The following CLEC2A variants were observed in gnomAD, a reference collection of about 807,000 sequenced individuals.
The protein encoded by CLEC2A is C-type lectin domain family 2 member A, also known as keratinocyte-associated C-type lectin.
A neutral mutation model predicts 18.6 loss-of-function variants in CLEC2A; 19 were observed. The observed-to-expected ratio is 1.02, with a 90% confidence interval of 0.71 to 1.50. The LOEUF (loss-of-function observed/expected upper bound fraction) is 1.50, where lower values mean the gene tolerates loss of function less well. Among genes scored for constraint, CLEC2A ranks in the 40% most tolerant of loss-of-function variants. The probability of loss-of-function intolerance (pLI) is 0.00; values close to 1 mark genes in which losing one functional copy is unlikely to be tolerated. For missense variants in CLEC2A, 190 were observed against 207.9 expected, an observed-to-expected ratio of 0.91 and a Z score of 0.53; for synonymous variants, 74 against 64.0, an observed-to-expected ratio of 1.16 and a Z score of -0.75.
chr12:9,879,552 T>C, the CLEC2A span, among the ~76,000 whole-genome samples: 7 of 152,238 alleles, frequency 4.6e-5, no homozygotes, highest in African/African-American at 1.7e-4. Flanking sequence ...ATTTCTTTGC[T>C]GCCTTGCCCA....
chr12:9,888,054 C>CAA, the CLEC2A span, among the ~76,000 whole-genome samples: 102 of 65,482 alleles, frequency 1.6e-3, 4 homozygotes, highest in African/African-American at 5.5e-3. Flanking sequence ...GACCCTGTGT[C>CAA]AAAAAAAAAA....
chr12:9,882,107 A>AG, the CLEC2A span, among the ~76,000 whole-genome samples: 2,710 of 152,140 alleles, frequency 0.018, 80 homozygotes, highest in African/African-American at 0.062. Context: ...GCGAGAAGAG[A>AG]GAAAAAAAAA....
chr12:9,904,067 G>A (rs1862872571), intron 4 of CLEC2A, among the ~76,000 whole-genome samples: 4 of 152,158 alleles, frequency 2.6e-5, no homozygotes, highest in African/African-American at 9.7e-5. Flanking sequence ...ATGGATCAGG[G>A]CAGACTGATT....
downstream of CLEC2A, among the ~76,000 whole-genome samples, chr12:9,912,353 G>C (rs935691438): frequency 6.6e-6 from 1 of 152,178 alleles, no homozygotes; most frequent in Admixed American, 6.5e-5. Context: ...AGAGTGAGGA[G>C]ACCCCACTTG....
chr12:9,913,256 A>AT lies in CLEC2A; in HGVS notation c.*309_*310insA. 3.2e-6 allele frequency: 1 copy of AT among 314,262 alleles called. No individual in the cohort carries two copies. Among genetic ancestry groups the AT allele is most frequent in the Non-Finnish European group, 5.1e-6 (1 of 195,466 alleles). 19.5% of individuals were successfully genotyped at this position (314,262 alleles called of 1,614,324 possible). A position where few individuals can be genotyped will look rare whatever the true frequency, so the allele number is the denominator to read the frequency against. On this transcript the variant is annotated 3_prime_UTR_variant, in exon 5 of 5. Transcript: ENST00000455827. ...GTTCTGAGTATTTGGGTCCTCCCAA[A>AT]ACTCATAAATTGAAAGCTAATCACC...
At chr12:9,920,269 A>G (rs1863146637) in intron 3 of CLEC2A, among the ~76,000 whole-genome samples, 1 of 152,090 alleles carries the variant, frequency 6.6e-6, no homozygotes, top group Admixed American at 6.5e-5. Flanking sequence ...TGGAGTTTCA[A>G]CTACTTTTGC....
chr12:9,922,094 A>C lies in CLEC2A; in HGVS notation c.278T>G (p.Leu93Arg). Residue 93 changes from leucine (L) to arginine (R), a missense_variant, in exon 3 of 5, where the codon CTT (leucine) becomes CGT (arginine). Leu to Arg is a moderately radical substitution (Grantham distance 102, BLOSUM62 -2). Coordinates refer to ENST00000455827, the MANE Select transcript of CLEC2A (RefSeq NM_001130711.2). ...GTCTTCTTGTGTATCAATCTGAGCA[A>C]GTTCTGCTTTCTGCAAACTACAAAA... is the stretch of plus-strand genomic sequence containing the variant. Reference protein sequence around the residue: ...KIFCSLQKAELAQIDTQEDME... With the variant: ...KIFCSLQKAERAQIDTQEDME... 1 of 1,549,772 alleles carries C rather than the reference A, an allele frequency of 6.5e-7. No homozygotes were observed. Among genetic ancestry groups the C allele is most frequent in the Non-Finnish European group, 8.7e-7 (1 of 1,146,166 alleles).
intron 4 of CLEC2A, among the ~76,000 whole-genome samples, chr12:9,901,942 C>T (rs895634395): frequency 2.6e-5 from 4 of 152,120 alleles, no homozygotes; most frequent in Non-Finnish European, 5.9e-5. Context: ...CCAATATGTT[C>T]ACAAAGAGAA....
At chr12:9,893,383 A>AT in the CLEC2A span, 1 of 1,020,174 alleles carries the variant, frequency 9.8e-7, no homozygotes, top group African/African-American at 1.6e-5. Flanking sequence ...AGGCATCAAA[A>AT]TTTTTTTAAA....
chr12:9,903,965 T>C (rs1216562694), intron 4 of CLEC2A, among the ~76,000 whole-genome samples: 1 of 152,208 alleles, frequency 6.6e-6, no homozygotes, highest in African/African-American at 2.4e-5. Flanking sequence ...GGATGGCCAG[T>C]TGGATCAGAG....
At chr12:9,907,148 A>G (rs1862917877) in intron 4 of CLEC2A, among the ~76,000 whole-genome samples, 1 of 152,186 alleles carries the variant, frequency 6.6e-6, no homozygotes, top group Non-Finnish European at 1.5e-5. Context: ...TTTGACAGGA[A>G]GGCTACAGGC....
the CLEC2A span, among the ~76,000 whole-genome samples, chr12:9,878,554 A>G: frequency 3.9e-5 from 6 of 152,238 alleles, no homozygotes; most frequent in Non-Finnish European, 5.9e-5. Context: ...ATAGTTTGGG[A>G]AAAACATTAA....
chr12:9,887,712 A>C, the CLEC2A span, among the ~76,000 whole-genome samples: 1 of 151,184 alleles, frequency 6.6e-6, no homozygotes, highest in Non-Finnish European at 1.5e-5. Context: ...ACTTGATGAT[A>C]TGGTCAAAAG....
Position 9,926,350 on chromosome 12 carries a change from A to G in CLEC2A, c.56-7T>C. On this transcript the variant is annotated splice_region_variant and splice_polypyrimidine_tract_variant and intron_variant, in intron 1 of 4. Coordinates refer to ENST00000455827, the MANE Select transcript of CLEC2A (RefSeq NM_001130711.2). ...TTTTGTATCAACTTGGGAACTGCAA[A>G]TTAAATCAACACATATTTTACAATT... 7.9e-7 allele frequency: 1 copy of G among 1,272,632 alleles called. No individual in the cohort carries two copies. Among genetic ancestry groups the G allele is most frequent in the Non-Finnish European group, 1.1e-6 (1 of 918,916 alleles). The allele number at this position is 1,272,632 out of a possible 1,614,324, so 78.8% of individuals were successfully genotyped here. A position where few individuals can be genotyped will look rare whatever the true frequency, so the allele number is the denominator to read the frequency against.
the CLEC2A span, among the ~76,000 whole-genome samples, chr12:9,890,997 T>C: frequency 6.6e-6 from 1 of 152,202 alleles, no homozygotes; most frequent in African/African-American, 2.4e-5. Context: ...TTGCATTTGG[T>C]TAATATGCCT....
At chr12:9,906,522 G>A (rs1246239185) in intron 4 of CLEC2A, among the ~76,000 whole-genome samples, 3 of 152,104 alleles carry the variant, frequency 2.0e-5, no homozygotes, top group Non-Finnish European at 2.9e-5. Context: ...ATAAGACCTC[G>A]TTCAGTCCAA....
At chr12:9,928,831 A>G (rs897190712) in intron 1 of CLEC2A, among the ~76,000 whole-genome samples, 2 of 152,336 alleles carry the variant, frequency 1.3e-5, no homozygotes, top group South Asian at 4.1e-4. Context: ...TAAAATGAAA[A>G]AGACTGACAG....
At chr12:9,926,755 G>A (rs1863279565) in intron 1 of CLEC2A, among the ~76,000 whole-genome samples, 1 of 152,096 alleles carries the variant, frequency 6.6e-6, no homozygotes, top group African/African-American at 2.4e-5. Context: ...GAGTCATAAG[G>A]TCATGACAGA....
intron 4 of CLEC2A, among the ~76,000 whole-genome samples, chr12:9,899,467 T>G (rs1305405217): frequency 6.6e-6 from 1 of 152,136 alleles, no homozygotes; most frequent in African/African-American, 2.4e-5. Context: ...CAGACTGAAG[T>G]TGAATGGCTT....
Sources: gnomAD v4.1 joint callset for allele counts (sites outside exome capture counted in the v4.1 genomes callset) on GRCh38, gnomAD v4.1.1 for gene constraint, MANE v1.5 for transcripts, NCBI Gene and HGNC (gene_info 2026-07-23, HGNC 2026-07-21) for gene names.